Variants in FAM241A observed in about 807,000 individuals in gnomAD.
FAM241A encodes uncharacterized protein FAM241A.
In FAM241A, 7 loss-of-function variants were observed where a neutral mutation model predicts 12.2. That is an observed-to-expected ratio of 0.58 (90% CI 0.33 to 1.08). The LOEUF (loss-of-function observed/expected upper bound fraction) is 1.08, where lower values mean the gene tolerates loss of function less well. FAM241A is among the 50% of genes least tolerant of loss of function. The probability of loss-of-function intolerance (pLI) is 0.04; values close to 1 mark genes in which losing one functional copy is unlikely to be tolerated. For missense variants in FAM241A, 161 were observed against 169.7 expected, an observed-to-expected ratio of 0.95 and a Z score of 0.29; for synonymous variants, 74 against 68.2, an observed-to-expected ratio of 1.08 and a Z score of -0.42.
chr4:112,145,869 T>A, intron 1 of FAM241A, 136 bp downstream of exon 1: 1 of 435,120 alleles, frequency 2.3e-6, no homozygotes, highest in Non-Finnish European at 3.2e-6. Context: ...CCCGGCGCTC[T>A]GGGAAGTCGT....
At chr4:112,186,212 A>G (rs1490789769) in intron 1 of FAM241A, among the ~76,000 whole-genome samples, 2 of 152,204 alleles carry the variant, frequency 1.3e-5, no homozygotes, top group African/African-American at 4.8e-5. Context: ...AGAGGCATTT[A>G]GGGCATCTAT....
chr4:112,161,770 A>G (rs1197350020), intron 1 of FAM241A, among the ~76,000 whole-genome samples: 3 of 152,206 alleles, frequency 2.0e-5, no homozygotes, highest in African/African-American at 7.2e-5. Context: ...AACTATTCCA[A>G]TCAATAGAAA....
chr4:112,161,308 G>C (rs1723462499), intron 1 of FAM241A, among the ~76,000 whole-genome samples: 1 of 152,034 alleles, frequency 6.6e-6, no homozygotes, highest in Non-Finnish European at 1.5e-5. Flanking sequence ...AAATAACTAA[G>C]ATCAAAGCAG....
chr4:112,153,202 C>T (rs1723278771), intron 1 of FAM241A, among the ~76,000 whole-genome samples: 1 of 151,940 alleles, frequency 6.6e-6, no homozygotes, highest in Non-Finnish European at 1.5e-5. Flanking sequence ...ATGTAGATCT[C>T]TAGTTGGTTT....
intron 1 of FAM241A, among the ~76,000 whole-genome samples, chr4:112,161,006 A>G (rs1184048698): frequency 6.6e-6 from 1 of 152,232 alleles, no homozygotes; most frequent in African/African-American, 2.4e-5. Flanking sequence ...TGGACAAAAA[A>G]TTCTTAAGTA....
intron 1 of FAM241A, among the ~76,000 whole-genome samples, chr4:112,153,938 CTG>C (rs748073286): frequency 1.1e-4 from 17 of 152,092 alleles, no homozygotes; most frequent in Non-Finnish European, 1.9e-4. Flanking sequence ...TTTTAAATAT[CTG>C]TGTTTGAGAA....
chr4:112,183,648 C>G (rs907358328), intron 1 of FAM241A, among the ~76,000 whole-genome samples: 1 of 150,580 alleles, frequency 6.6e-6, no homozygotes, highest in African/African-American at 2.4e-5. Flanking sequence ...AAAAAAAACC[C>G]CAAAGTACAA....
intron 1 of FAM241A, among the ~76,000 whole-genome samples, chr4:112,179,963 A>G (rs1401762808): frequency 3.5e-5 from 5 of 143,086 alleles, no homozygotes; most frequent in African/African-American, 7.7e-5. Flanking sequence ...GTGTGTGTAT[A>G]TATATATATC....
At chr4:112,182,601 A>C (rs142218788) in intron 1 of FAM241A, among the ~76,000 whole-genome samples, 1 of 152,312 alleles carries the variant, frequency 6.6e-6, no homozygotes, top group East Asian at 1.9e-4. Flanking sequence ...AACTTATTTC[A>C]AGTATCTCTT....
At chr4:112,145,762 C>G in intron 1 of FAM241A, 29 bp downstream of exon 1, 1 of 1,089,964 alleles carries the variant, frequency 9.2e-7, no homozygotes, top group Non-Finnish European at 1.1e-6. Flanking sequence ...GGCGGCGAAG[C>G]GGCCGGGTCG....
rs1355756295 is a variant in FAM241A at position 112,194,245 on chromosome 4, T to G, written c.*7307T>G. ...GTTGCTTATCAGCTTAAGGAGATTT[T>G]GGGCTGAGACAATGGGGTTTTCTAG... On this transcript the variant is annotated 3_prime_UTR_variant, in exon 2 of 2. Transcript: ENST00000309733. The G allele has an allele frequency of 6.7e-6, 1 of 149,594 alleles. No homozygotes were observed. The highest frequency in any genetic ancestry group is 2.5e-5 in the African/African-American group (1 of 40,758). The allele number at this position is 149,594 out of a possible 1,614,324, so 9.3% of individuals were successfully genotyped here.
chr4:112,183,604 G>GA (rs35758634), intron 1 of FAM241A, among the ~76,000 whole-genome samples: 85,226 of 149,052 alleles, frequency 0.57, 25,664 homozygotes, highest in East Asian at 0.82. Flanking sequence ...CAAAAATACT[G>GA]AAAAAAAAAG....
At chr4:112,145,858 C>G (rs2110416595) in intron 1 of FAM241A, 125 bp downstream of exon 1, 1 of 505,132 alleles carries the variant, frequency 2.0e-6, no homozygotes, top group East Asian at 1.1e-4. Flanking sequence ...GGCACTGGCT[C>G]CCCGGCGCTC....
chr4:112,174,337 G>C (rs2110431155), intron 1 of FAM241A, among the ~76,000 whole-genome samples: 1 of 152,302 alleles, frequency 6.6e-6, no homozygotes, highest in Admixed American at 6.5e-5. Flanking sequence ...TGGTGCAATG[G>C]TGCAGGAGCC....
rs1444703797 is a variant in FAM241A, at chr4:112,188,878, AT to A, written c.*1942del. The A allele has an allele frequency of 6.6e-6, 1 of 152,172 alleles. No individual in the cohort carries two copies. Among genetic ancestry groups the A allele is most frequent in the African/African-American group, 2.4e-5 (1 of 41,448 alleles). The allele number at this position is 152,172 out of a possible 1,614,324, so 9.4% of individuals were successfully genotyped here. ...GCACACTGGTGTTAATAGGGTATATATTAAATTATATAAAGAAATAAGATAT... is the reference window on the plus strand; with the variant it reads ...GCACACTGGTGTTAATAGGGTATATATAAATTATATAAAGAAATAAGATAT... On this transcript the variant is annotated 3_prime_UTR_variant, in exon 2 of 2. Transcript: ENST00000309733.
intron 1 of FAM241A, chr4:112,171,211 C>G: frequency 1.4e-6 from 1 of 699,064 alleles, no homozygotes. Context: ...AGCACTCCTG[C>G]AAACATGGTA....
Position 112,184,832 on chromosome 4 carries a change from T to C in FAM241A, c.154-1861T>C, listed in dbSNP as rs192932951. On this transcript the variant is annotated intron_variant, in intron 1 of 1. Coordinates refer to ENST00000309733, the MANE Select transcript of FAM241A (RefSeq NM_152400.3). ...AATAAGGCTTCATATAGCCATTTCT[T>C]TAATGAAAAAAATATTTTTAATTAT... Among the ~76,000 whole-genome samples the C allele has an allele frequency of 2.6e-5, 4 of 152,320 alleles. No homozygotes were observed. In the East Asian group the frequency reaches 7.7e-4, roughly 29 times the overall value.
chr4:112,178,232 A>T (rs375030938), intron 1 of FAM241A, among the ~76,000 whole-genome samples: 214 of 152,330 alleles, frequency 1.4e-3, no homozygotes, highest in African/African-American at 5.0e-3. Flanking sequence ...GATATCTTAC[A>T]TGGCAAAAGG....
At position 112,191,607 on chromosome 4, in the gene FAM241A, T is replaced by TGTGTTTTAG. The variant is rs1724165559; in HGVS notation, c.*4669_*4670insGTGTTTTAG. The TGTGTTTTAG allele has an allele frequency of 1.3e-5, 2 of 152,234 alleles. No individual in the cohort carries two copies. The highest frequency in any genetic ancestry group is 6.5e-5 in the Admixed American group (1 of 15,278). The allele number at this position is 152,234 out of a possible 1,614,324, so 9.4% of individuals were successfully genotyped here. A position where few individuals can be genotyped will look rare whatever the true frequency, so the allele number is the denominator to read the frequency against. On this transcript the variant is annotated 3_prime_UTR_variant, in exon 2 of 2. Coordinates refer to ENST00000309733, the MANE Select transcript of FAM241A (RefSeq NM_152400.3). ...ATGCTTTCTTACTTCCAGAACTTTG[T>TGTGTTTTAG]ACATGCTTTACTTCTTTAACTGCTC... is the stretch of plus-strand genomic sequence containing the variant.
Sources: gnomAD v4.1 joint callset for allele counts (sites outside exome capture counted in the v4.1 genomes callset) on GRCh38, gnomAD v4.1.1 for gene constraint, MANE v1.5 for transcripts, NCBI Gene and HGNC (gene_info 2026-07-23, HGNC 2026-07-21) for gene names.